Variants in CPM observed in about 807,000 individuals in gnomAD.
The protein encoded by CPM is renal carboxypeptidase.
A neutral mutation model predicts 46.4 loss-of-function variants in CPM; 35 were observed. The observed-to-expected ratio is 0.75, with a 90% confidence interval of 0.58 to 1.00. The LOEUF (loss-of-function observed/expected upper bound fraction) is 1.00, where lower values mean the gene tolerates loss of function less well. CPM is among the 50% of genes least tolerant of loss of function. The pLI is 0.00. For missense variants in CPM, 422 were observed against 530.4 expected (o/e 0.80, Z 2.01); for synonymous variants, 195 against 195.3 (o/e 1.00, Z 0.01).
rs1592609413 is a variant in CPM at position 68,843,925 on chromosome 12, C to T, written c.534-1596G>A. ...AGAACCTAGTAGAATCTGTTTTTTT[C>T]CTTTGGAGGTCCTCAAAGCATTATT... On this transcript the variant is annotated intron_variant, in intron 5 of 5. Transcript: ENST00000551897. 5 of 211,370 alleles carry T rather than the reference C, an allele frequency of 2.4e-5. No individual in the cohort carries two copies. The East Asian group carries it at 3.6e-4, about 15-fold the overall frequency. The allele number at this position is 211,370 out of a possible 1,614,324, so 13.1% of individuals were successfully genotyped here. A position where few individuals can be genotyped will look rare whatever the true frequency, so the allele number is the denominator to read the frequency against.
chr12:68,937,556 T>C (rs1398868633), upstream of CPM, among the ~76,000 whole-genome samples: 1 of 152,160 alleles, frequency 6.6e-6, no homozygotes. Context: ...CAATTAATTG[T>C]TTTTCAGCCA....
chr12:68,918,453 T>C (rs928896694), intron 2 of CPM, among the ~76,000 whole-genome samples: 1 of 152,188 alleles, frequency 6.6e-6, no homozygotes, highest in Non-Finnish European at 1.5e-5. Flanking sequence ...AGAAAATGTC[T>C]GAATCAGAGC....
At chr12:68,880,420 C>T (rs1886139108) in intron 3 of CPM, among the ~76,000 whole-genome samples, 1 of 152,142 alleles carries the variant, frequency 6.6e-6, no homozygotes, top group African/African-American at 2.4e-5. Flanking sequence ...AGGTAGGTGA[C>T]TGGAAGATAC....
intron 1 of CPM, among the ~76,000 whole-genome samples, chr12:68,961,069 G>T (rs953047383): frequency 6.6e-6 from 1 of 152,152 alleles, no homozygotes; most frequent in African/African-American, 2.4e-5. Flanking sequence ...GAATAGACAG[G>T]GACAGTGGTC....
intron 3 of CPM, among the ~76,000 whole-genome samples, chr12:68,881,370 G>C (rs1454533447): frequency 2.0e-5 from 3 of 152,152 alleles, no homozygotes; most frequent in Non-Finnish European, 4.4e-5. Flanking sequence ...ATAATAAAAA[G>C]ATACTGGATT....
chr12:68,956,731 G>GT (rs1208390673), intron 1 of CPM, among the ~76,000 whole-genome samples: 2 of 152,208 alleles, frequency 1.3e-5, no homozygotes, highest in East Asian at 1.9e-4. Context: ...ACTCTTCCGT[G>GT]TTTTTTCAGA....
At position 68,845,403 on chromosome 12, in the gene CPM, G is replaced by C. The variant is rs60553748; in HGVS notation, c.534-3074C>G. ...CAAATTATAAAATGAGCTAACAAAC[G>C]AAAGGCAAAATAAAACCGTAAAGCA... On this transcript the variant is annotated intron_variant, in intron 5 of 5. Coordinates refer to the CPM transcript ENST00000551897. The C allele has an allele frequency of 7.2e-3, 1,514 of 209,118 alleles. 25 individuals carry two copies. The highest frequency in any genetic ancestry group is 0.032 in the African/African-American group (1,420 of 43,924). 13.0% of individuals were successfully genotyped at this position (209,118 alleles called of 1,614,324 possible).
At chr12:68,958,057 T>A (rs1224459113) in intron 1 of CPM, among the ~76,000 whole-genome samples, 1 of 152,236 alleles carries the variant, frequency 6.6e-6, no homozygotes, top group Admixed American at 6.5e-5. Flanking sequence ...TTCCATGGTA[T>A]ACATGTGCCA....
intron 1 of CPM, among the ~76,000 whole-genome samples, chr12:68,941,626 C>T (rs1370507579): frequency 2.6e-5 from 4 of 152,200 alleles, no homozygotes; most frequent in Admixed American, 2.0e-4. Flanking sequence ...ATCTGCCTGC[C>T]TAGGCCTTAA....
At chr12:68,909,841 G>C (rs149155471) in intron 2 of CPM, among the ~76,000 whole-genome samples, 7 of 145,262 alleles carry the variant, frequency 4.8e-5, no homozygotes, top group African/African-American at 1.3e-4. Context: ...GTTGGGGGGT[G>C]GGGGGGCTAC....
At chr12:68,905,415 G>C (rs1179132037) in intron 2 of CPM, among the ~76,000 whole-genome samples, 1 of 151,356 alleles carries the variant, frequency 6.6e-6, no homozygotes, top group African/African-American at 2.4e-5. Context: ...TGAGTAGCTG[G>C]GACTGCAGGC....
At chr12:68,958,237 T>C (rs1014384665) in intron 1 of CPM, among the ~76,000 whole-genome samples, 1 of 152,170 alleles carries the variant, frequency 6.6e-6, no homozygotes, top group Non-Finnish European at 1.5e-5. Flanking sequence ...AAATGGTACT[T>C]CTAGTTCTAG....
chr12:68,890,141 G>T lies in CPM; in HGVS notation c.161-4252C>A, dbSNP rs143731878. Among the ~76,000 whole-genome samples the T allele has an allele frequency of 2.6e-3, 396 of 152,154 alleles. 2 individuals are homozygous for T. Among genetic ancestry groups the T allele is most frequent in the African/African-American group, 8.9e-3 (370 of 41,518 alleles). On this transcript the variant is annotated intron_variant, in intron 2 of 8. Coordinates refer to ENST00000551568, the MANE Select transcript of CPM (RefSeq NM_198320.5). ...AGAACCTTACACTCAGGAGACTGAG[G>T]TGCAAGGATCCCTTGATCCCAGGAG... is the stretch of plus-strand genomic sequence containing the variant.
At chr12:68,925,431 T>C (rs1888219174) in intron 2 of CPM, among the ~76,000 whole-genome samples, 2 of 152,212 alleles carry the variant, frequency 1.3e-5, no homozygotes, top group Admixed American at 1.3e-4. Flanking sequence ...TGTGCTCAGA[T>C]TTTTGCTGTC....
At chr12:68,904,014 G>A (rs1422763847) in intron 2 of CPM, among the ~76,000 whole-genome samples, 2 of 152,078 alleles carry the variant, frequency 1.3e-5, no homozygotes, top group Non-Finnish European at 1.5e-5. Context: ...GCCCTCCCAT[G>A]TAGCTGGGAC....
chr12:68,958,043 A>T (rs999934499), intron 1 of CPM, among the ~76,000 whole-genome samples: 2 of 152,278 alleles, frequency 1.3e-5, no homozygotes, highest in Non-Finnish European at 2.9e-5. Context: ...ATGGCTGCAA[A>T]GTATTCCATG....
downstream of CPM, chr12:68,847,452 C>CTTTTTTTTTTTTTTTTTTTTTTTT (rs772905678): frequency 4.5e-5 from 4 of 88,694 alleles, 1 homozygote; most frequent in Admixed American, 1.4e-4. Flanking sequence ...TATCTCCTTT[C>CTTTTTTTTTTTTTTTTTTTTTTTT]TTTTTTTTTT....
chr12:68,951,567 T>C lies in CPM; in HGVS notation c.-4+11602A>G, dbSNP rs1380408416. Among the ~76,000 whole-genome samples the C allele has an allele frequency of 3.3e-5, 5 of 151,968 alleles. No individual in the cohort carries two copies. In the East Asian group the frequency reaches 9.7e-4, roughly 29 times the overall value. ...ATCTTCTGTCATTTTAGGAAGAGGGTATTATGTGTGCAAAGCTGATAGGCA... is the reference window on the plus strand; with the variant it reads ...ATCTTCTGTCATTTTAGGAAGAGGGCATTATGTGTGCAAAGCTGATAGGCA... On this transcript the variant is annotated intron_variant, in intron 1 of 8. Transcript: ENST00000546373.
intron 1 of CPM, among the ~76,000 whole-genome samples, chr12:68,944,033 G>GT (rs570129676): frequency 2.0e-5 from 3 of 152,114 alleles, no homozygotes; most frequent in Non-Finnish European, 4.4e-5. Context: ...TAATTTGTAA[G>GT]TTCATCTAAT....
Sources: gnomAD v4.1 joint callset for allele counts (sites outside exome capture counted in the v4.1 genomes callset) on GRCh38, gnomAD v4.1.1 for gene constraint, MANE v1.5 for transcripts, NCBI Gene and HGNC (gene_info 2026-07-23, HGNC 2026-07-21) for gene names.